The following TMED5 variants were observed in gnomAD, a reference collection of about 807,000 sequenced individuals.
TMED5 encodes the protein transmembrane emp24 domain-containing protein 5.
A neutral mutation model predicts 23.0 loss-of-function variants in TMED5; 27 were observed. The ratio of observed to expected loss-of-function variants is 1.17; its 90% CI spans 0.86 to 1.62. TMED5 has a LOEUF of 1.62. Among genes scored for constraint, TMED5 ranks in the 40% most tolerant of loss-of-function variants. TMED5 has a pLI of 0.00. For synonymous variants in TMED5, 97 were observed against 100.8 expected (o/e 0.96, Z 0.23); for missense variants, 248 against 273.7 (o/e 0.91, Z 0.66).
intron 2 of TMED5, among the ~76,000 whole-genome samples, chr1:93,158,079 G>A (rs943050803): frequency 1.4e-5 from 2 of 145,996 alleles, no homozygotes; most frequent in Admixed American, 7.0e-5. Context: ...AGCCGAGATC[G>A]CGCCACTGCA....
intron 2 of TMED5, among the ~76,000 whole-genome samples, chr1:93,157,334 G>A (rs1391821168): frequency 6.6e-6 from 1 of 151,986 alleles, no homozygotes; most frequent in East Asian, 1.9e-4. Context: ...TTCTATAAAG[G>A]TAATTCAGCC....
At chr1:93,160,837 C>G (rs1295776133) in intron 1 of TMED5, 2 of 143,684 alleles carry the variant, frequency 1.4e-5, no homozygotes, top group African/African-American at 5.0e-5. Flanking sequence ...CCCCCCCTGC[C>G]TCCCCTGCCC....
intron 1 of TMED5, among the ~76,000 whole-genome samples, chr1:93,167,127 T>G (rs1417743625): frequency 1.3e-5 from 2 of 152,102 alleles, no homozygotes; most frequent in Non-Finnish European, 2.9e-5. Flanking sequence ...TATGTGTCTG[T>G]TTTTTTGCAA....
At chr1:93,166,463 T>C (rs114548939) in intron 1 of TMED5, among the ~76,000 whole-genome samples, 2,479 of 152,324 alleles carry the variant, frequency 0.016, 41 homozygotes, top group Non-Finnish European at 0.021. Context: ...CCATTTTAAC[T>C]GGGGTGAGAT....
At position 93,179,457 on chromosome 1, in the gene TMED5, C is replaced by T. The variant is rs118158145; in HGVS notation, c.189+597G>A. Among the ~76,000 whole-genome samples the T allele has an allele frequency of 2.0e-3, 301 of 151,378 alleles. 6 individuals are homozygous for T. The East Asian group carries it at 0.053, about 26-fold the overall frequency. Reference sequence around the variant, plus strand: ...AGAAAGGTTATAAAGTTTTAATATACGATTTGATCTTTTGAAAATAATGGA... The same window carrying T: ...AGAAAGGTTATAAAGTTTTAATATATGATTTGATCTTTTGAAAATAATGGA... On this transcript the variant is annotated intron_variant, in intron 1 of 3. Coordinates refer to ENST00000370282, the MANE Select transcript of TMED5 (RefSeq NM_016040.5).
chr1:93,175,052 G>GTA (rs1472088415), intron 1 of TMED5, among the ~76,000 whole-genome samples: 2 of 140,788 alleles, frequency 1.4e-5, no homozygotes, highest in Non-Finnish European at 3.1e-5. Context: ...AAAAAAAAAA[G>GTA]TATATATACA....
intron 1 of TMED5, among the ~76,000 whole-genome samples, chr1:93,175,316 T>TATATAC (rs1553160172): frequency 4.6e-5 from 6 of 129,088 alleles, no homozygotes; most frequent in Admixed American, 1.6e-4. Flanking sequence ...TATATATATA[T>TATATAC]ACACACACAC....
intron 1 of TMED5, among the ~76,000 whole-genome samples, chr1:93,174,485 T>C (rs577699186): frequency 6.6e-6 from 1 of 152,332 alleles, no homozygotes; most frequent in South Asian, 2.1e-4. Flanking sequence ...ATCTCTCTTT[T>C]TTTTAACTTT....
chr1:93,170,144 T>C (rs532331637), intron 1 of TMED5, among the ~76,000 whole-genome samples: 1 of 152,332 alleles, frequency 6.6e-6, no homozygotes, highest in East Asian at 1.9e-4. Flanking sequence ...AGCGCCTCCT[T>C]GGCCTTGGCG....
At chr1:93,172,403 A>G (rs753963239) in intron 1 of TMED5, among the ~76,000 whole-genome samples, 4 of 152,196 alleles carry the variant, frequency 2.6e-5, no homozygotes, top group Admixed American at 6.5e-5. Flanking sequence ...GCTTTCCTAT[A>G]CACCAGCAAC....
At chr1:93,179,558 G>A (rs1649181198) in intron 1 of TMED5, among the ~76,000 whole-genome samples, 2 of 152,190 alleles carry the variant, frequency 1.3e-5, no homozygotes, top group African/African-American at 4.8e-5. Flanking sequence ...CGGGCTTAAT[G>A]CCAATTACAC....
At chr1:93,176,008 G>A (rs1465828992) in intron 1 of TMED5, among the ~76,000 whole-genome samples, 1 of 152,128 alleles carries the variant, frequency 6.6e-6, no homozygotes, top group Admixed American at 6.5e-5. Context: ...GTACAGAGAG[G>A]CTCAATACCT....
At chr1:93,178,396 T>C (rs550188120) in intron 1 of TMED5, among the ~76,000 whole-genome samples, 1 of 152,342 alleles carries the variant, frequency 6.6e-6, no homozygotes, top group South Asian at 2.1e-4. Flanking sequence ...CAATTAAGCA[T>C]CTTTCTGGAT....
chr1:93,151,918 TTATAAG>T lies in TMED5; in HGVS notation c.*2746_*2751del, dbSNP rs558215484. The stretch of plus-strand genomic sequence containing the variant: ...TACGTTGCTTATTTAAGATGGCTGT[TTATAAG>T]TATAAAGCAGTTTGAGCAACACTGA... On this transcript the variant is annotated 3_prime_UTR_variant, in exon 4 of 4. Coordinates refer to ENST00000370282, the MANE Select transcript of TMED5 (RefSeq NM_016040.5). 3.7e-3 allele frequency: 560 copies of T among 152,460 alleles called. 9 individuals are homozygous for T. The highest frequency in any genetic ancestry group is 5.1e-3 in the Non-Finnish European group (349 of 68,026). 9.4% of individuals were successfully genotyped at this position (152,460 alleles called of 1,614,324 possible).
intron 2 of TMED5, among the ~76,000 whole-genome samples, chr1:93,157,750 A>G (rs1648124824): frequency 6.6e-6 from 1 of 152,194 alleles, no homozygotes; most frequent in East Asian, 1.9e-4. Context: ...TACTTAAGAA[A>G]AACCAGTGAC....
chr1:93,171,662 C>T (rs187654993), intron 1 of TMED5, among the ~76,000 whole-genome samples: 23 of 152,296 alleles, frequency 1.5e-4, no homozygotes, highest in Middle Eastern at 3.4e-3. Context: ...TCTCTAAAAT[C>T]TCTTACAGAC....
intron 1 of TMED5, chr1:93,163,039 C>T (rs146165526): frequency 2.0e-5 from 3 of 152,206 alleles, no homozygotes; most frequent in Non-Finnish European, 4.4e-5. Flanking sequence ...TGTGAGTAGT[C>T]ACTGCACTCC....
chr1:93,151,556 G>A lies in TMED5; in HGVS notation c.*3114C>T, dbSNP rs1002672803. ...AATAATCAATTTCTGGGGTGAGGTG[G>A]AGCAGGTAAGTTCCCTGGGTGCTTA... On this transcript the variant is annotated 3_prime_UTR_variant, in exon 4 of 4. Transcript: ENST00000370282. 3 of 152,164 alleles carry A rather than the reference G, an allele frequency of 2.0e-5. No homozygotes were observed. Among genetic ancestry groups the A allele is most frequent in the Admixed American group, 6.5e-5 (1 of 15,270 alleles). The allele number at this position is 152,164 out of a possible 1,614,324, so 9.4% of individuals were successfully genotyped here.
chr1:93,160,209 T>C lies in TMED5; in HGVS notation c.207A>G (p.Gly69=), dbSNP rs1308332518. ...EIEYQVLDGA[G]LDIDFHLASP... The stretch of plus-strand genomic sequence containing the variant: ...AGGCAAGATGGAAATCAATATCTAA[T>C]CCTGCTCCATCTAAAACCTGTAGAA... Residue 69 remains glycine, a synonymous_variant, in exon 2 of 4, where the codon GGA becomes GGG. Coordinates refer to ENST00000370282, the MANE Select transcript of TMED5 (RefSeq NM_016040.5). 6.2e-7 allele frequency: 1 copy of C among 1,610,274 alleles called. No homozygotes were observed.
Sources: allele counts gnomAD v4.1 joint callset (sites outside exome capture counted in the v4.1 genomes callset), GRCh38; gene constraint gnomAD v4.1.1; transcripts MANE v1.5; gene names NCBI Gene and HGNC (gene_info 2026-07-23, HGNC 2026-07-21).